The following PTPRS variants were observed in gnomAD, a reference collection of about 807,000 sequenced individuals.
PTPRS encodes the protein receptor-type tyrosine-protein phosphatase S.
Under a neutral mutation model 215.3 loss-of-function variants are expected in PTPRS, and 63 were observed. That is an observed-to-expected ratio of 0.29 (90% CI 0.24 to 0.36). The LOEUF (loss-of-function observed/expected upper bound fraction) is 0.36, where lower values mean the gene tolerates loss of function less well. Among genes scored for constraint, PTPRS ranks in the 10% least tolerant of loss-of-function variants. The probability of loss-of-function intolerance (pLI) is 1.00; values close to 1 mark genes in which losing one functional copy is unlikely to be tolerated. For synonymous variants in PTPRS, 1,404 were observed against 1,191.4 expected, an observed-to-expected ratio of 1.18 and a Z score of -3.68; for missense variants, 2,258 against 2,825.8, an observed-to-expected ratio of 0.80 and a Z score of 4.56.
chr19:5,216,118 C>T (rs1449919361), intron 26 of PTPRS, among the ~76,000 whole-genome samples: 1 of 152,098 alleles, frequency 6.6e-6, no homozygotes, highest in Non-Finnish European at 1.5e-5. Flanking sequence ...GGAGGGGAAA[C>T]AGTATGTGTG....
intron 2 of PTPRS, among the ~76,000 whole-genome samples, chr19:5,277,264 T>TA (rs1361437229): frequency 6.6e-6 from 1 of 151,912 alleles, no homozygotes; most frequent in East Asian, 1.9e-4. Context: ...GCAACATACT[T>TA]ACAAGAGCCC....
chr19:5,239,824 A>C (rs561846445), intron 12 of PTPRS, among the ~76,000 whole-genome samples: 46 of 152,100 alleles, frequency 3.0e-4, no homozygotes, highest in Non-Finnish European at 5.6e-4. Flanking sequence ...GAAAACAGAG[A>C]CAGAAAGAGA....
intron 1 of PTPRS, among the ~76,000 whole-genome samples, chr19:5,309,444 C>G (rs1568603301): frequency 6.6e-6 from 1 of 152,158 alleles, no homozygotes; most frequent in Non-Finnish European, 1.5e-5. Context: ...GATGGGGAAA[C>G]TGAGGCTGAG....
rs189938684 is a variant in PTPRS at position 5,218,807 on chromosome 19, G to A, written c.3924-9C>T. The A allele has an allele frequency of 8.1e-5, 129 of 1,601,884 alleles. No homozygotes were observed. The highest frequency in any genetic ancestry group is 1.0e-4 in the Non-Finnish European group (119 of 1,175,752). On this transcript the variant is annotated splice_polypyrimidine_tract_variant and intron_variant, in intron 23 of 37. Transcript: ENST00000262963. Reference sequence around the variant, plus strand: ...CTTACCTGTCGGGTTTGCTGTTCCCGAAAGCAGACACAGGTGAGAAGGGGG... The same window carrying A: ...CTTACCTGTCGGGTTTGCTGTTCCCAAAAGCAGACACAGGTGAGAAGGGGG...
intron 9 of PTPRS, among the ~76,000 whole-genome samples, chr19:5,253,891 T>C (rs1267735641): frequency 6.6e-6 from 1 of 152,178 alleles, no homozygotes; most frequent in African/African-American, 2.4e-5. Flanking sequence ...AATGAAATCC[T>C]TTCACCTACC....
intron 2 of PTPRS, among the ~76,000 whole-genome samples, chr19:5,282,629 C>A (rs539934491): frequency 6.6e-6 from 1 of 152,152 alleles, no homozygotes; most frequent in Admixed American, 6.6e-5. Context: ...ATGGCAAAAC[C>A]CCATCTCTAC....
intron 25 of PTPRS, among the ~76,000 whole-genome samples, chr19:5,218,079 A>G (rs2041644809): frequency 6.6e-6 from 1 of 152,208 alleles, no homozygotes; most frequent in Non-Finnish European, 1.5e-5. Context: ...AACCAGAGAC[A>G]TAAACAGAAG....
intron 1 of PTPRS, among the ~76,000 whole-genome samples, chr19:5,317,421 G>A (rs1159718565): frequency 2.6e-5 from 4 of 152,156 alleles, no homozygotes; most frequent in Admixed American, 6.5e-5. Context: ...GCAGTGAGTC[G>A]AGATTGTGCC....
At chr19:5,251,334 G>A (rs986543951) in intron 9 of PTPRS, among the ~76,000 whole-genome samples, 9 of 149,084 alleles carry the variant, frequency 6.0e-5, no homozygotes, top group South Asian at 2.2e-4. Flanking sequence ...TGCAAGGCCC[G>A]GAGGGACCTG....
At chr19:5,296,947 C>A (rs1033315887) in intron 1 of PTPRS, among the ~76,000 whole-genome samples, 2 of 152,032 alleles carry the variant, frequency 1.3e-5, no homozygotes, top group East Asian at 3.9e-4. Context: ...GGGAGAAAGG[C>A]ACATTCTAGG....
At chr19:5,278,409 T>C (rs1310246675) in intron 2 of PTPRS, among the ~76,000 whole-genome samples, 3 of 152,062 alleles carry the variant, frequency 2.0e-5, no homozygotes, top group Non-Finnish European at 2.9e-5. Context: ...TTTTGCCATG[T>C]TGCCCAGGCT....
At chr19:5,211,881 C>A in intron 32 of PTPRS, 84 bp downstream of exon 32, 1 of 1,563,164 alleles carries the variant, frequency 6.4e-7, no homozygotes, top group Non-Finnish European at 8.7e-7. Context: ...ACCTTCTAGT[C>A]CCCATTGCTC....
chr19:5,256,833 G>A (rs567915181), intron 8 of PTPRS, among the ~76,000 whole-genome samples: 5 of 152,106 alleles, frequency 3.3e-5, no homozygotes, highest in East Asian at 1.9e-4. Flanking sequence ...CAGGGCCAGC[G>A]GGTGCTGTGG....
chr19:5,294,554 TGA>T lies in PTPRS; in HGVS notation c.-94-8322_-94-8321del, dbSNP rs2049069665. On this transcript the variant is annotated intron_variant, in intron 1 of 37. Transcript: ENST00000262963. The surrounding 1 kb of genome is among the most constrained non-coding windows in gnomAD (Gnocchi z 5.1). ...TTGATGGGAGACACACAGGCGGCTG[TGA>T]GAGCCCAGCAGAAACAATTCCGCTC... The T allele has an allele frequency of 6.6e-6, 1 of 152,182 alleles. No individual in the cohort carries two copies. The highest frequency in any genetic ancestry group is 2.4e-5 in the African/African-American group (1 of 41,440). The allele number at this position is 152,182 out of a possible 1,614,324, so 9.4% of individuals were successfully genotyped here.
chr19:5,240,573 C>T (rs2043946653), intron 11 of PTPRS, among the ~76,000 whole-genome samples: 1 of 152,148 alleles, frequency 6.6e-6, no homozygotes, highest in Admixed American at 6.6e-5. Context: ...GGCACGGTGG[C>T]TCACGCCTGT....
rs369073402 is a variant in PTPRS at position 5,238,899 on chromosome 19, C to T, written c.1849+20G>A. ...CCGTGGTCCCTCCCGCAGAGAAGGG[C>T]GGCCCCGCGAGACACCTACTGGACT... On this transcript the variant is annotated intron_variant, in intron 13 of 37. Coordinates refer to ENST00000262963, the MANE Select transcript of PTPRS (RefSeq NM_002850.4). 6.3e-5 allele frequency: 99 copies of T among 1,569,692 alleles called. No individual in the cohort carries two copies. Among genetic ancestry groups the T allele is most frequent in the Non-Finnish European group, 8.2e-5 (95 of 1,162,976 alleles).
At chr19:5,230,720 C>CA (rs1599543993) in intron 14 of PTPRS, among the ~76,000 whole-genome samples, 2 of 152,164 alleles carry the variant, frequency 1.3e-5, no homozygotes, top group Admixed American at 1.3e-4. Flanking sequence ...CTTGGCCTCT[C>CA]AGAGTGCTGG....
intron 13 of PTPRS, among the ~76,000 whole-genome samples, chr19:5,234,855 TAA>T (rs1568439979): frequency 6.6e-6 from 1 of 152,024 alleles, no homozygotes. Context: ...TGAAAAACAG[TAA>T]GTTTCCACAT....
chr19:5,262,820 G>T, intron 6 of PTPRS, 144 bp downstream of exon 6: 1 of 865,010 alleles, frequency 1.2e-6, no homozygotes, highest in Non-Finnish European at 1.8e-6. Context: ...GGGGAGGAGG[G>T]AGAGGGCGTT....
Sources: gnomAD v4.1 joint callset for allele counts (sites outside exome capture counted in the v4.1 genomes callset) on GRCh38, gnomAD v4.1.1 for gene constraint, Gnocchi (gnomAD v3.1) non-coding constraint, MANE v1.5 for transcripts, NCBI Gene and HGNC (gene_info 2026-07-23, HGNC 2026-07-21) for gene names.